ZNF521: variants seen among roughly 807,000 people sequenced by gnomAD.
ZNF521 encodes the protein LYST-interacting protein 3.
ZNF521 carries 14 observed loss-of-function variants against 105.5 expected under a neutral mutation model. That is an observed-to-expected ratio of 0.13 (90% CI 0.09 to 0.21). The LOEUF (loss-of-function observed/expected upper bound fraction) is 0.21. ZNF521 is among the 10% of genes least tolerant of loss of function. The probability of loss-of-function intolerance (pLI) is 1.00; values close to 1 mark genes in which losing one functional copy is unlikely to be tolerated. For synonymous variants in ZNF521, 635 were observed against 606.0 expected, an observed-to-expected ratio of 1.05 and a Z score of -0.70; for missense variants, 1,233 against 1,629.7, an observed-to-expected ratio of 0.76 and a Z score of 4.19.
chr18:25,229,216 C>T (rs190888222), intron 3 of ZNF521, among the ~76,000 whole-genome samples: 15 of 152,328 alleles, frequency 9.8e-5, no homozygotes, highest in Admixed American at 7.2e-4. Flanking sequence ...TCAGCCTCTT[C>T]CTTATCCACA....
At chr18:25,276,225 C>G (rs1162637221) in intron 3 of ZNF521, among the ~76,000 whole-genome samples, 1 of 152,088 alleles carries the variant, frequency 6.6e-6, no homozygotes, top group African/African-American at 2.4e-5. Flanking sequence ...CTTCCTCCCC[C>G]TCCACCCACC....
intron 3 of ZNF521, among the ~76,000 whole-genome samples, chr18:25,274,795 T>C (rs553903403): frequency 8.5e-5 from 13 of 152,112 alleles, no homozygotes; most frequent in African/African-American, 3.1e-4. Context: ...GATGGGAGAG[T>C]TGTCATTTGA....
intron 3 of ZNF521, among the ~76,000 whole-genome samples, chr18:25,290,800 C>A (rs1910973137): frequency 6.6e-6 from 1 of 151,524 alleles, no homozygotes; most frequent in Non-Finnish European, 1.5e-5. Flanking sequence ...TAGTAGAGAC[C>A]CACCCAGCCA....
chr18:25,119,962 GTA>G (rs1414108137), intron 5 of ZNF521, among the ~76,000 whole-genome samples: 2 of 152,094 alleles, frequency 1.3e-5, no homozygotes, highest in Admixed American at 1.3e-4. Flanking sequence ...CAAATTATCA[GTA>G]TATCAAATTA....
chr18:25,301,759 G>C (rs1055709706), intron 3 of ZNF521, among the ~76,000 whole-genome samples: 4 of 152,160 alleles, frequency 2.6e-5, no homozygotes, highest in East Asian at 1.9e-4. Context: ...AAGATGGAGT[G>C]GGGGGTAAGG....
intron 5 of ZNF521, among the ~76,000 whole-genome samples, chr18:25,123,847 A>AT (rs1447474935): frequency 2.6e-5 from 4 of 152,132 alleles, no homozygotes; most frequent in African/African-American, 9.7e-5. Flanking sequence ...ATGATAGAGG[A>AT]TTTTTTAAAA....
intron 3 of ZNF521, among the ~76,000 whole-genome samples, chr18:25,242,121 C>A (rs114331803): frequency 0.018 from 2,713 of 152,254 alleles, 27 homozygotes; most frequent in South Asian, 0.042. Context: ...TATGTCCAAT[C>A]TGTCACTGAA....
chr18:25,159,964 A>C lies in ZNF521; in HGVS notation c.3658+35196T>G, dbSNP rs554570682. Among the ~76,000 whole-genome samples the C allele has an allele frequency of 1.8e-4, 28 of 152,324 alleles. No individual in the cohort carries two copies. In the East Asian group the frequency reaches 4.0e-3, roughly 22 times the overall value. ...GCTGAAAATAGCCTTAAAAATGCCAACATAAAATAATGTGTCATTAGTTTG... is the reference window on the plus strand; with the variant it reads ...GCTGAAAATAGCCTTAAAAATGCCACCATAAAATAATGTGTCATTAGTTTG... On this transcript the variant is annotated intron_variant, in intron 5 of 7. Coordinates refer to ENST00000361524, the MANE Select transcript of ZNF521 (RefSeq NM_015461.3).
At chr18:25,117,884 T>C (rs1467374057) in intron 5 of ZNF521, among the ~76,000 whole-genome samples, 1 of 152,036 alleles carries the variant, frequency 6.6e-6, no homozygotes, top group Non-Finnish European at 1.5e-5. Flanking sequence ...TACAGACTCA[T>C]GAATCTCGCA....
intron 5 of ZNF521, among the ~76,000 whole-genome samples, chr18:25,137,469 G>A (rs796829796): frequency 1.4e-4 from 22 of 152,162 alleles, no homozygotes; most frequent in African/African-American, 5.3e-4. Flanking sequence ...GATTTGTCTC[G>A]CCGGTAATGG....
intron 3 of ZNF521, among the ~76,000 whole-genome samples, chr18:25,309,546 T>C (rs1277345184): frequency 6.6e-6 from 1 of 152,180 alleles, no homozygotes; most frequent in Non-Finnish European, 1.5e-5. Context: ...TGCAGGATAA[T>C]ATATGTAATA....
At chr18:25,128,676 T>C (rs1179224588) in intron 5 of ZNF521, among the ~76,000 whole-genome samples, 1 of 151,998 alleles carries the variant, frequency 6.6e-6, no homozygotes, top group Non-Finnish European at 1.5e-5. Flanking sequence ...GCAATAAGAA[T>C]TTGAAATTGA....
chr18:25,255,296 T>C (rs1000060136), intron 3 of ZNF521, among the ~76,000 whole-genome samples: 12 of 152,144 alleles, frequency 7.9e-5, no homozygotes, highest in African/African-American at 2.9e-4. Flanking sequence ...CTGGAAACAA[T>C]TGAGAATTTT....
At chr18:25,110,268 G>A (rs1217303110) in intron 5 of ZNF521, among the ~76,000 whole-genome samples, 3 of 152,206 alleles carry the variant, frequency 2.0e-5, no homozygotes, top group South Asian at 2.1e-4. Context: ...CTGAAACACC[G>A]AGTCCGCTCA....
chr18:25,273,200 G>A (rs1458012730), intron 3 of ZNF521, among the ~76,000 whole-genome samples: 1 of 99,580 alleles, frequency 1.0e-5, no homozygotes, highest in East Asian at 3.6e-4. Context: ...GTGCTCCCAA[G>A]AGGAGTGAAA....
chr18:25,068,469 C>T (rs148501524), intron 7 of ZNF521, among the ~76,000 whole-genome samples: 50 of 152,252 alleles, frequency 3.3e-4, no homozygotes, highest in African/African-American at 1.2e-3. Flanking sequence ...TTCTACATTA[C>T]CGTCCACCTT....
chr18:25,274,587 G>C (rs761237757), intron 3 of ZNF521, among the ~76,000 whole-genome samples: 5 of 152,146 alleles, frequency 3.3e-5, no homozygotes, highest in Non-Finnish European at 7.4e-5. Context: ...CAACAAAATG[G>C]AAACAGGGAT....
chr18:25,108,895 GATTAC>G (rs2034127633), intron 5 of ZNF521, among the ~76,000 whole-genome samples: 1 of 152,054 alleles, frequency 6.6e-6, no homozygotes. Flanking sequence ...AAAGTGCTGG[GATTAC>G]AGGTGTGAGC....
At position 25,197,210 on chromosome 18, in the gene ZNF521, A is replaced by G. The variant is rs191126885; in HGVS notation, c.3574-1966T>C. Among the ~76,000 whole-genome samples the G allele has an allele frequency of 5.5e-4, 84 of 151,978 alleles. 1 individual carries two copies. In the East Asian group the frequency reaches 0.015, roughly 27 times the overall value. On this transcript the variant is annotated intron_variant, in intron 4 of 7. Transcript: ENST00000361524. Reference sequence around the variant, plus strand: ...CCACTCATAAAACAGTGTCTAAAATACTATGTTATATTTTTTATTAACAAA... The same window carrying G: ...CCACTCATAAAACAGTGTCTAAAATGCTATGTTATATTTTTTATTAACAAA...
Sources: gnomAD v4.1 joint callset for allele counts (sites outside exome capture counted in the v4.1 genomes callset) on GRCh38, gnomAD v4.1.1 for gene constraint, MANE v1.5 for transcripts, NCBI Gene and HGNC (gene_info 2026-07-23, HGNC 2026-07-21) for gene names.